Variants in AMPD3 observed in about 807,000 individuals in gnomAD.
AMPD3 encodes adenosine monophosphate deaminase 3.
In AMPD3, 57 loss-of-function variants were observed where a neutral mutation model predicts 82.3. That is an observed-to-expected ratio of 0.69 (90% confidence interval 0.56 to 0.86). The LOEUF is 0.86. AMPD3 is among the 40% of genes least tolerant of loss of function. AMPD3 has a pLI of 0.00. For synonymous variants in AMPD3, 381 were observed against 394.7 expected (o/e 0.97, Z 0.41); for missense variants, 870 against 1,003.8 (o/e 0.87, Z 1.80).
chr11:10,488,872 G>A (rs1015972896), intron 6 of AMPD3, among the ~76,000 whole-genome samples: 4 of 152,174 alleles, frequency 2.6e-5, no homozygotes, highest in Non-Finnish European at 4.4e-5. Context: ...GGAAAGCCCA[G>A]CTCCAGCCTC....
chr11:10,460,975 T>G, intron 1 of AMPD3: 1 of 985,452 alleles, frequency 1.0e-6, no homozygotes, highest in Non-Finnish European at 1.2e-6. Context: ...GGAACTGCAA[T>G]AGCAGATTCT....
upstream of AMPD3, among the ~76,000 whole-genome samples, chr11:10,452,107 C>T (rs1460894774): frequency 2.0e-5 from 3 of 152,174 alleles, no homozygotes; most frequent in Non-Finnish European, 2.9e-5. Context: ...ATCCTTAGCT[C>T]AGCCTCTGTC....
upstream of AMPD3, chr11:10,451,032 C>T (rs543688153): frequency 6.3e-7 from 1 of 1,582,798 alleles, no homozygotes; most frequent in South Asian, 1.1e-5. Flanking sequence ...ATGGCCCTGT[C>T]GTCCGAACCC....
chr11:10,504,588 T>G lies in AMPD3; in HGVS notation c.2056T>G (p.Trp686Gly). Residue 686 changes from tryptophan to glycine, a missense_variant, in exon 14 of 15, where the codon TGG becomes GGG. Coordinates refer to ENST00000396553, the MANE Select transcript of AMPD3 (RefSeq NM_001025389.2). ...MEEYAIAAQV[W>G]KLSTCDLCEI... ...AGAATATGCCATTGCAGCTCAAGTG[T>G]GGAAGCTGAGCACCTGCGACCTGTG... 1 of 1,614,166 alleles carries G rather than the reference T, an allele frequency of 6.2e-7. No homozygotes were observed. The highest frequency in any genetic ancestry group is 8.5e-7 in the Non-Finnish European group (1 of 1,180,002).
chr11:10,501,312 C>T (rs994247994), intron 11 of AMPD3, 158 bp from the exon 12 acceptor site: 3 of 985,130 alleles, frequency 3.0e-6, no homozygotes, highest in Non-Finnish European at 1.2e-6. Context: ...GCCTGGACCT[C>T]TGCATTTTAG....
At chr11:10,476,196 G>T (rs1382301561) in intron 2 of AMPD3, among the ~76,000 whole-genome samples, 1 of 152,194 alleles carries the variant, frequency 6.6e-6, no homozygotes, top group Admixed American at 6.5e-5. Context: ...AGCTCAAGGG[G>T]AGTGAGCCCT....
At chr11:10,493,589 G>C in intron 7 of AMPD3, 46 bp downstream of exon 7, 1 of 1,601,798 alleles carries the variant, frequency 6.2e-7, no homozygotes, top group South Asian at 1.1e-5. Context: ...AGCAGCCCTG[G>C]CTGGGGACTC....
chr11:10,473,338 G>C, intron 2 of AMPD3: 2 of 940,220 alleles, frequency 2.1e-6, no homozygotes, highest in Non-Finnish European at 2.5e-6. Context: ...AGATAGTACA[G>C]ATTGCACTTC....
chr11:10,505,005 C>T (rs1383933897), intron 14 of AMPD3: 1 of 512,614 alleles, frequency 2.0e-6, no homozygotes, highest in African/African-American at 2.1e-5. Context: ...AGCATGTAAG[C>T]TCTGTGAGGG....
At position 10,495,628 on chromosome 11, in the gene AMPD3, T is replaced by TCTACGGC; in HGVS notation, c.1327_1333dup (p.Arg445LeufsTer6). 2 of 1,613,952 alleles carry TCTACGGC rather than the reference T, an allele frequency of 1.2e-6. No individual in the cohort carries two copies. Among genetic ancestry groups the TCTACGGC allele is most frequent in the Non-Finnish European group, 1.7e-6 (2 of 1,180,036 alleles). On this transcript the variant is annotated frameshift_variant, in exon 9 of 15. Transcript: ENST00000396553. LOFTEE classifies it high-confidence loss of function. ...CAGTACTCAGAGCCACGGCTCTCCA[T>TCTACGGC]CTACGGCCGCAGTCCTGAGGAGTGG... is the stretch of plus-strand genomic sequence containing the variant.
chr11:10,481,061 T>A (rs1848889777), intron 3 of AMPD3, among the ~76,000 whole-genome samples: 1 of 152,184 alleles, frequency 6.6e-6, no homozygotes, highest in African/African-American at 2.4e-5. Flanking sequence ...CAGGTTAGAG[T>A]CTGAAATTTG....
intron 9 of AMPD3, chr11:10,496,307 T>C (rs1849398819): frequency 1.0e-6 from 1 of 985,254 alleles, no homozygotes; most frequent in Non-Finnish European, 1.2e-6. Flanking sequence ...GGGTTGAGGA[T>C]GGATTGTCCT....
rs566985862 is a variant in AMPD3 at position 10,487,917 on chromosome 11, G to A, written c.939+553G>A. Among the ~76,000 whole-genome samples, 8 of 152,012 alleles carry A rather than the reference G, an allele frequency of 5.3e-5. No homozygotes were observed. In the East Asian group the frequency reaches 7.7e-4, roughly 15 times the overall value. On this transcript the variant is annotated intron_variant, in intron 6 of 14. Coordinates refer to ENST00000396553, the MANE Select transcript of AMPD3 (RefSeq NM_001025389.2). ...GGTGCAGCAAACCACCATGGCACAC[G>A]TTTACCTATGTAACAAACCTGCACA...
At chr11:10,460,997 A>G in intron 1 of AMPD3, 4 of 1,095,696 alleles carry the variant, frequency 3.7e-6, no homozygotes, top group Non-Finnish European at 4.5e-6. Context: ...TCTCTTCAGC[A>G]AAAGGCCTTG....
rs1159528696 is a variant in AMPD3, at chr11:10,493,331, G to T, written c.940-18G>T. ...GGGAGGTGGCCTGACTCAGGGCCTG[G>T]TGGGCGCTGTGTTCCAGGTGGACAC... is the stretch of plus-strand genomic sequence containing the variant. On this transcript the variant is annotated intron_variant, in intron 6 of 14. Transcript: ENST00000396553. 6.2e-7 allele frequency: 1 copy of T among 1,613,898 alleles called. No homozygotes were observed. Among genetic ancestry groups the T allele is most frequent in the Non-Finnish European group, 8.5e-7 (1 of 1,180,030 alleles).
upstream of AMPD3, chr11:10,455,243 G>T: frequency 1.0e-6 from 1 of 985,462 alleles, no homozygotes; most frequent in Non-Finnish European, 1.2e-6. Context: ...GGGAGGCTAT[G>T]TGTCTGTTCT....
At position 10,482,185 on chromosome 11, in the gene AMPD3, T is replaced by C. The variant is rs1848929298; in HGVS notation, c.549T>C (p.His183=). 1 of 1,613,532 alleles carries C rather than the reference T, an allele frequency of 6.2e-7. No homozygotes were observed. The highest frequency in any genetic ancestry group is 8.5e-7 in the Non-Finnish European group (1 of 1,179,948). Reference sequence around the variant, plus strand: ...GGATCACATCCCAGTACCTGGGTCATCCGCGGGCGGATACTGCACCTCCGG... The same window carrying C: ...GGATCACATCCCAGTACCTGGGTCACCCGCGGGCGGATACTGCACCTCCGG... The part of the protein sequence containing the change: ...FPRITSQYLG[H]PRADTAPPEE... Residue 183 remains histidine, a synonymous_variant, in exon 4 of 15, where the codon CAT becomes CAC. Transcript: ENST00000396553.
rs113693681 is a variant in AMPD3 at position 10,493,221 on chromosome 11, A to G, written c.940-128A>G. 2,520 of 1,079,740 alleles carry G rather than the reference A, an allele frequency of 2.3e-3. 41 individuals are homozygous for G. In the African/African-American group the frequency reaches 0.033, roughly 14 times the overall value. 66.9% of individuals were successfully genotyped at this position (1,079,740 alleles called of 1,614,324 possible). On this transcript the variant is annotated intron_variant, in intron 6 of 14. Transcript: ENST00000396553. The stretch of plus-strand genomic sequence containing the variant: ...AGGAGAAATGGGGGGTGGGATCCAG[A>G]CACTGGTGGGGCTGCCCGGATGGCC...
chr11:10,481,619 A>G, intron 3 of AMPD3: 5 of 581,058 alleles, frequency 8.6e-6, no homozygotes, highest in Non-Finnish European at 1.1e-5. Flanking sequence ...CAGTGAAAGG[A>G]TACAGAGCAA....
Sources: allele counts gnomAD v4.1 joint callset (sites outside exome capture counted in the v4.1 genomes callset), GRCh38; gene constraint gnomAD v4.1.1; transcripts MANE v1.5; gene names NCBI Gene and HGNC (gene_info 2026-07-23, HGNC 2026-07-21).